EXPH5: variants seen among roughly 807,000 people sequenced by gnomAD.
EXPH5 encodes the protein exophilin-5.
A neutral mutation model predicts 41.1 loss-of-function variants in EXPH5; 42 were observed. That is an observed-to-expected ratio of 1.02 (90% CI 0.80 to 1.32). The LOEUF (loss-of-function observed/expected upper bound fraction) is 1.32. Ranked by LOEUF, EXPH5 falls within the 40% of genes most tolerant of loss-of-function variation. The pLI is 0.00. For missense variants in EXPH5, 2,298 were observed against 2,314.5 expected (o/e 0.99, Z 0.15); for synonymous variants, 798 against 833.5 (o/e 0.96, Z 0.73).
At position 108,510,406 on chromosome 11, in the gene EXPH5, T is replaced by C; in HGVS notation, c.5101A>G (p.Asn1701Asp). 1 of 1,614,046 alleles carries C rather than the reference T, an allele frequency of 6.2e-7. No homozygotes were observed. ...KSNSISQRHQ[N>D]EFKNVSESPS... ...GATTCTGAGACGTTTTTAAACTCAT[T>C]CTGATGTCGTTGTGAAATGCTGTTA... The change falls in exon 6 of 6, where the codon AAT becomes GAT. Residue 1701 changes from asparagine (N) to aspartate (D), a missense_variant. By Grantham distance (23) the Asn-to-Asp change is conservative. Coordinates refer to ENST00000265843, the MANE Select transcript of EXPH5 (RefSeq NM_015065.3).
intron 1 of EXPH5, among the ~76,000 whole-genome samples, chr11:108,588,497 G>A (rs893391460): frequency 9.2e-5 from 14 of 152,174 alleles, no homozygotes; most frequent in African/African-American, 2.2e-4. Flanking sequence ...TTCCCAAATC[G>A]GACACTCCCT....
At chr11:108,585,237 A>G (rs2094109790) in intron 1 of EXPH5, among the ~76,000 whole-genome samples, 1 of 152,222 alleles carries the variant, frequency 6.6e-6, no homozygotes, top group South Asian at 2.1e-4. Flanking sequence ...TAAAATAAAA[A>G]AATATTCAAA....
At chr11:108,600,341 T>A in the EXPH5 span, among the ~76,000 whole-genome samples, 1 of 152,226 alleles carries the variant, frequency 6.6e-6, no homozygotes, top group Non-Finnish European at 1.5e-5. Context: ...TGGCTCCAAC[T>A]AAACCTGAAG....
chr11:108,585,840 G>A (rs2094111366), intron 1 of EXPH5, among the ~76,000 whole-genome samples: 1 of 152,150 alleles, frequency 6.6e-6, no homozygotes, highest in African/African-American at 2.4e-5. Context: ...CAAAACAAGT[G>A]TTCTTCAGTG....
intron 1 of EXPH5, among the ~76,000 whole-genome samples, chr11:108,563,817 G>A (rs1206624874): frequency 3.9e-5 from 6 of 152,184 alleles, no homozygotes; most frequent in Non-Finnish European, 7.3e-5. Flanking sequence ...CCTAGGCGTC[G>A]CTCTGCAGCA....
intron 1 of EXPH5, among the ~76,000 whole-genome samples, chr11:108,587,734 G>T (rs1048603544): frequency 6.6e-6 from 1 of 152,112 alleles, no homozygotes; most frequent in Non-Finnish European, 1.5e-5. Context: ...ATTATCCAAA[G>T]AAACAGTTTT....
chr11:108,533,283 A>G (rs1202229493), intron 3 of EXPH5, among the ~76,000 whole-genome samples: 3 of 151,962 alleles, frequency 2.0e-5, no homozygotes, highest in African/African-American at 7.3e-5. Context: ...AGCTCACTGC[A>G]ACCTCTGCCT....
At position 108,514,599 on chromosome 11, in the gene EXPH5, G is replaced by A; in HGVS notation, c.908C>T (p.Pro303Leu). The A allele has an allele frequency of 6.2e-7, 1 of 1,613,832 alleles. No homozygotes were observed. Among genetic ancestry groups the A allele is most frequent in the Non-Finnish European group, 8.5e-7 (1 of 1,179,896 alleles). Residue 303 changes from proline to leucine, a missense_variant, in exon 6 of 6, where the codon CCC becomes CTC. Pro to Leu is a moderately conservative substitution (Grantham distance 98). Transcript: ENST00000265843. The stretch of plus-strand genomic sequence containing the variant: ...CACATAATCTTCTTTAAAGACTCTG[G>A]GCTCCCTTGTCCTATACATATCATA... ...TIYDMYRTRE[P>L]RVFKEDYVQK...
At chr11:108,572,159 G>A (rs2094062630) in intron 1 of EXPH5, among the ~76,000 whole-genome samples, 2 of 152,172 alleles carry the variant, frequency 1.3e-5, no homozygotes, top group Non-Finnish European at 2.9e-5. Context: ...CCAGCTTGTG[G>A]GCACGACAGC....
chr11:108,562,831 A>G (rs2094018931), intron 1 of EXPH5, among the ~76,000 whole-genome samples: 1 of 151,334 alleles, frequency 6.6e-6, no homozygotes, highest in Admixed American at 6.6e-5. Flanking sequence ...AAACTTGAAT[A>G]AAAGAAATCA....
At chr11:108,518,118 G>T in intron 5 of EXPH5, 117 bp downstream of exon 5, 1 of 856,838 alleles carries the variant, frequency 1.2e-6, no homozygotes, top group Non-Finnish European at 1.8e-6. Context: ...TAAACATGAG[G>T]ATGTAAAAAA....
chr11:108,521,693 A>G lies in EXPH5; in HGVS notation c.493-3320T>C, dbSNP rs114975909. Among the ~76,000 whole-genome samples the G allele has an allele frequency of 3.0e-3, 461 of 152,304 alleles. 3 individuals are homozygous for G. The highest frequency in any genetic ancestry group is 0.01 in the African/African-American group (435 of 41,562). ...GTCTGTCCAACTCAGAGGTTACCCT[A>G]CATCAATAATTGTTAGTATTAGTGA... On this transcript the variant is annotated intron_variant, in intron 4 of 5. Coordinates refer to ENST00000265843, the MANE Select transcript of EXPH5 (RefSeq NM_015065.3).
chr11:108,520,215 C>T (rs918607003), intron 4 of EXPH5, among the ~76,000 whole-genome samples: 1 of 152,132 alleles, frequency 6.6e-6, no homozygotes, highest in South Asian at 2.1e-4. Flanking sequence ...ACTGCACATG[C>T]GAGGGATCTA....
intron 1 of EXPH5, among the ~76,000 whole-genome samples, chr11:108,588,273 A>T (rs1728686703): frequency 6.6e-6 from 1 of 152,206 alleles, no homozygotes; most frequent in African/African-American, 2.4e-5. Flanking sequence ...TTTCCTTAGT[A>T]ATAACATCTC....
intron 3 of EXPH5, among the ~76,000 whole-genome samples, chr11:108,534,484 T>C (rs2093865982): frequency 6.6e-6 from 1 of 152,230 alleles, no homozygotes; most frequent in South Asian, 2.1e-4. Flanking sequence ...ACTGGGTCAT[T>C]GAACCTCAGT....
intron 5 of EXPH5, 50 bp downstream of exon 5, chr11:108,518,185 C>T: frequency 6.4e-7 from 1 of 1,551,902 alleles, no homozygotes; most frequent in African/African-American, 1.4e-5. Context: ...TTATTGTTTA[C>T]TTCCTTTAGT....
At chr11:108,562,869 G>T (rs1422048888) in intron 1 of EXPH5, among the ~76,000 whole-genome samples, 1 of 152,176 alleles carries the variant, frequency 6.6e-6, no homozygotes. Flanking sequence ...CAGAGATACT[G>T]CTGTGTGTGT....
At chr11:108,528,375 A>G (rs1263701186) in intron 3 of EXPH5, among the ~76,000 whole-genome samples, 191 bp from the exon 4 acceptor site, 1 of 152,248 alleles carries the variant, frequency 6.6e-6, no homozygotes, top group East Asian at 1.9e-4. Context: ...ATTACCCAGA[A>G]TCAATACTTT....
intron 1 of EXPH5, among the ~76,000 whole-genome samples, chr11:108,569,126 T>C (rs1200792083): frequency 6.6e-6 from 1 of 152,110 alleles, no homozygotes; most frequent in Non-Finnish European, 1.5e-5. Flanking sequence ...GTCTTTCACA[T>C]CTTTATGGCT....
Sources: gnomAD v4.1 joint callset for allele counts (sites outside exome capture counted in the v4.1 genomes callset) on GRCh38, gnomAD v4.1.1 for gene constraint, MANE v1.5 for transcripts, NCBI Gene and HGNC (gene_info 2026-07-23, HGNC 2026-07-21) for gene names.